The following CSRNP3 variants were observed in gnomAD, a reference collection of about 807,000 sequenced individuals.
CSRNP3 encodes the protein cysteine/serine-rich nuclear protein 3.
In CSRNP3, 12 loss-of-function variants were observed where a neutral mutation model predicts 48.0. The ratio of observed to expected loss-of-function variants is 0.25; its 90% CI spans 0.16 to 0.41. The LOEUF is 0.41. Ranked by LOEUF, CSRNP3 falls within the 10% of genes least tolerant of loss-of-function variation. The pLI, the probability that CSRNP3 is intolerant of heterozygous loss-of-function variation, is 1.00. For missense variants in CSRNP3, 580 were observed against 724.4 expected (o/e 0.80, Z 2.29); for synonymous variants, 263 against 269.7 (o/e 0.98, Z 0.24).
At chr2:165,579,277 G>T (rs1034174474) in intron 3 of CSRNP3, among the ~76,000 whole-genome samples, 4 of 152,138 alleles carry the variant, frequency 2.6e-5, no homozygotes, top group Non-Finnish European at 4.4e-5. Context: ...AGTAGAGAAA[G>T]CAATCAGCCT....
chr2:165,479,561 T>A (rs986035377), intron 1 of CSRNP3, among the ~76,000 whole-genome samples: 1 of 152,142 alleles, frequency 6.6e-6, no homozygotes, highest in Admixed American at 6.5e-5. Context: ...ATGTAACAAA[T>A]TCCCATAAAC....
At chr2:165,499,119 T>A (rs1684324232) in intron 2 of CSRNP3, among the ~76,000 whole-genome samples, 1 of 152,184 alleles carries the variant, frequency 6.6e-6, no homozygotes, top group South Asian at 2.1e-4. Flanking sequence ...TAAAATATCA[T>A]GGCTTGAAAA....
chr2:165,486,092 C>T lies in CSRNP3; in HGVS notation c.-282-8667C>T, dbSNP rs542401175. On this transcript the variant is annotated intron_variant, in intron 1 of 6. Transcript: ENST00000651982. ...GGCGCAGGCCAGTGGGTGCGCGCAC[C>T]GTGCGCGAGCCGAAGCAGGGCGAGG... Among the ~76,000 whole-genome samples the T allele has an allele frequency of 2.4e-4, 36 of 152,230 alleles. 1 individual carries two copies. The East Asian group carries it at 4.1e-3, about 17-fold the overall frequency.
intron 3 of CSRNP3, among the ~76,000 whole-genome samples, chr2:165,577,101 T>C (rs1685463802): frequency 6.6e-6 from 1 of 151,812 alleles, no homozygotes; most frequent in Non-Finnish European, 1.5e-5. Flanking sequence ...TTAAGTTTTA[T>C]TATTGCTATA....
intron 3 of CSRNP3, among the ~76,000 whole-genome samples, chr2:165,544,307 C>G (rs1020777639): frequency 5.3e-5 from 8 of 152,014 alleles, no homozygotes; most frequent in African/African-American, 1.7e-4. Flanking sequence ...CTTCACAGCA[C>G]AGCAATGAGG....
At position 165,687,987 on chromosome 2, in the gene CSRNP3, A is replaced by T. The variant is rs917458581; in HGVS notation, c.*8234A>T. 2.0e-5 allele frequency: 3 copies of T among 151,608 alleles called. No individual in the cohort carries two copies. The highest frequency in any genetic ancestry group is 4.2e-4 in the South Asian group (2 of 4,790). 9.4% of individuals were successfully genotyped at this position (151,608 alleles called of 1,614,324 possible). On this transcript the variant is annotated 3_prime_UTR_variant, in exon 7 of 7. Transcript: ENST00000651982. ...CGGATGCTCTTGTGAAATGACAGCC[A>T]CATCAGTGTGGTTACTCCCCACAAA...
intron 3 of CSRNP3, among the ~76,000 whole-genome samples, chr2:165,571,424 A>C (rs1204383818): frequency 6.6e-6 from 1 of 152,016 alleles, no homozygotes; most frequent in South Asian, 2.1e-4. Context: ...TTCCATTTTC[A>C]GTTTTTAAGA....
In CSRNP3 at chr2:165,557,018, G is replaced by A. The variant is rs190430073; in HGVS notation, c.-23-38025G>A. Among the ~76,000 whole-genome samples, 5 of 152,164 alleles carry A rather than the reference G, an allele frequency of 3.3e-5. No homozygotes were observed. The East Asian group carries it at 7.7e-4, about 24-fold the overall frequency. ...TCCTCAGTGTGATTATAGGCTGAGC[G>A]GAAGTCGAAAAGGAAGGGTGGCAAA... is the stretch of plus-strand genomic sequence containing the variant. On this transcript the variant is annotated intron_variant, in intron 3 of 6. Transcript: ENST00000651982.
At chr2:165,598,357 A>G (rs1344944773) in intron 4 of CSRNP3, among the ~76,000 whole-genome samples, 1 of 152,224 alleles carries the variant, frequency 6.6e-6, no homozygotes, top group Non-Finnish European at 1.5e-5. Flanking sequence ...GCACAAAGGT[A>G]AAGAATGGTA....
chr2:165,646,656 T>C (rs1362932844), intron 4 of CSRNP3, among the ~76,000 whole-genome samples: 1 of 152,174 alleles, frequency 6.6e-6, no homozygotes, highest in African/African-American at 2.4e-5. Flanking sequence ...ATGGTGGTAA[T>C]GAATTGCATT....
intron 2 of CSRNP3, among the ~76,000 whole-genome samples, chr2:165,516,538 A>G (rs1418685931): frequency 2.0e-5 from 3 of 152,190 alleles, no homozygotes; most frequent in Non-Finnish European, 4.4e-5. Context: ...TCCATAATGC[A>G]TATATACTTC....
chr2:165,490,402 C>T (rs200354893), intron 1 of CSRNP3, among the ~76,000 whole-genome samples: 1 of 139,152 alleles, frequency 7.2e-6, no homozygotes, highest in South Asian at 2.3e-4. Context: ...CAATGCCATC[C>T]CCATCAAGCT....
intron 4 of CSRNP3, among the ~76,000 whole-genome samples, chr2:165,648,381 A>T (rs1686848475): frequency 6.6e-6 from 1 of 152,162 alleles, no homozygotes; most frequent in African/African-American, 2.4e-5. Context: ...TGGCTAGGGC[A>T]TTCTGCAGTT....
rs1463784793 is a variant in CSRNP3, at chr2:165,687,381, T to C, written c.*7628T>C. 1.3e-5 allele frequency: 2 copies of C among 152,230 alleles called. No individual in the cohort carries two copies. The highest frequency in any genetic ancestry group is 3.9e-4 in the East Asian group (2 of 5,182). 9.4% of individuals were successfully genotyped at this position (152,230 alleles called of 1,614,324 possible). A position where few individuals can be genotyped will look rare whatever the true frequency, so the allele number is the denominator to read the frequency against. ...TAGGTAATGTCAGGAAAAGTGACTG[T>C]TTCAGATCCCCAGTACAAACATCAG... On this transcript the variant is annotated 3_prime_UTR_variant, in exon 7 of 7. Transcript: ENST00000651982.
At chr2:165,590,180 T>C (rs1685693660) in intron 3 of CSRNP3, among the ~76,000 whole-genome samples, 1 of 152,210 alleles carries the variant, frequency 6.6e-6, no homozygotes, top group Non-Finnish European at 1.5e-5. Context: ...CTAATCTGAA[T>C]AGTGGTAAAA....
At chr2:165,528,808 C>T (rs1223556595) in intron 3 of CSRNP3, among the ~76,000 whole-genome samples, 1 of 152,212 alleles carries the variant, frequency 6.6e-6, no homozygotes, top group Non-Finnish European at 1.5e-5. Context: ...ATGCCGGCTG[C>T]AGCAGGGAGG....
chr2:165,576,201 A>G (rs550504256), intron 3 of CSRNP3, among the ~76,000 whole-genome samples: 95 of 151,582 alleles, frequency 6.3e-4, no homozygotes, highest in Non-Finnish European at 1.0e-3. Flanking sequence ...TATATTATGT[A>G]TATACACACA....
At chr2:165,472,274 C>T (rs1219588992) in intron 1 of CSRNP3, among the ~76,000 whole-genome samples, 2 of 152,034 alleles carry the variant, frequency 1.3e-5, no homozygotes, top group African/African-American at 4.8e-5. Context: ...AACCATGTTT[C>T]ATTAATGCAA....
chr2:165,621,421 GA>G (rs1558953061), intron 4 of CSRNP3, among the ~76,000 whole-genome samples: 1 of 151,522 alleles, frequency 6.6e-6, no homozygotes, highest in East Asian at 1.9e-4. Flanking sequence ...ACAGAACAAA[GA>G]AATAAAATAT....
Sources: allele counts gnomAD v4.1 joint callset (sites outside exome capture counted in the v4.1 genomes callset), GRCh38; gene constraint gnomAD v4.1.1; transcripts MANE v1.5; gene names NCBI Gene and HGNC (gene_info 2026-07-23, HGNC 2026-07-21).